Variants in HAND1 observed in about 807,000 individuals in gnomAD.
HAND1 encodes the protein heart and neural crest derivatives expressed 1, also known as heart- and neural crest derivatives-expressed protein 1.
In HAND1, 10 loss-of-function variants were observed where a neutral mutation model predicts 14.5. That is an observed-to-expected ratio of 0.69 (90% confidence interval 0.42 to 1.17). The LOEUF (loss-of-function observed/expected upper bound fraction) is 1.17, where lower values mean the gene tolerates loss of function less well. Ranked by LOEUF, HAND1 falls within the 50% of genes most tolerant of loss-of-function variation. The pLI, the probability that HAND1 is intolerant of heterozygous loss-of-function variation, is 0.00. For missense variants in HAND1, 299 were observed against 298.4 expected, an observed-to-expected ratio of 1.00 and a Z score of -0.01; for synonymous variants, 128 against 127.1, an observed-to-expected ratio of 1.01 and a Z score of -0.05.
Position 154,475,698 on chromosome 5 carries a change from G to T in HAND1, c.*108C>A. 1 of 826,210 alleles carries T rather than the reference G, an allele frequency of 1.2e-6. No individual in the cohort carries two copies. The highest frequency in any genetic ancestry group is 2.1e-6 in the Non-Finnish European group (1 of 482,370). 51.2% of individuals were successfully genotyped at this position (826,210 alleles called of 1,614,324 possible). ...GCTCAGCAGAAGCTCCGCGGGATGCGTAGCACCAGTCGCCGGAGCCCAGAG... is the reference window on the plus strand; with the variant it reads ...GCTCAGCAGAAGCTCCGCGGGATGCTTAGCACCAGTCGCCGGAGCCCAGAG... On this transcript the variant is annotated 3_prime_UTR_variant, in exon 2 of 2. Coordinates refer to ENST00000231121, the MANE Select transcript of HAND1 (RefSeq NM_004821.3).
chr5:154,477,315 G>T, intron 1 of HAND1, 151 bp downstream of exon 1: 1 of 702,302 alleles, frequency 1.4e-6, no homozygotes, highest in Non-Finnish European at 2.6e-6. Flanking sequence ...CCATGCACAG[G>T]ATCGCACGCT....
At position 154,475,146 on chromosome 5, in the gene HAND1, C is replaced by T. The variant is rs748150571; in HGVS notation, c.*660G>A. The T allele has an allele frequency of 6.6e-6, 1 of 152,178 alleles. No homozygotes were observed. Among genetic ancestry groups the T allele is most frequent in the African/African-American group, 2.4e-5 (1 of 41,140 alleles). The allele number at this position is 152,178 out of a possible 1,614,324, so 9.4% of individuals were successfully genotyped here. ...GTTTAAATACATAAAAACTTTCCAACACAGGGAAAGCTTTTATTTAGATAG... is the reference window on the plus strand; with the variant it reads ...GTTTAAATACATAAAAACTTTCCAATACAGGGAAAGCTTTTATTTAGATAG... On this transcript the variant is annotated 3_prime_UTR_variant, in exon 2 of 2. Transcript: ENST00000231121.
In HAND1 at chr5:154,475,423, G is replaced by A. The variant is rs1163427495; in HGVS notation, c.*383C>T. The A allele has an allele frequency of 4.3e-6, 1 of 234,472 alleles. No individual in the cohort carries two copies. The highest frequency in any genetic ancestry group is 8.5e-6 in the Non-Finnish European group (1 of 117,440). 14.5% of individuals were successfully genotyped at this position (234,472 alleles called of 1,614,324 possible). ...GGGCGGATCATATGGAGGGACAAGA[G>A]AGAAAGAGCCAGATAGGGAAATGGA... On this transcript the variant is annotated 3_prime_UTR_variant, in exon 2 of 2. Transcript: ENST00000231121.
At chr5:154,477,215 G>A (rs575091286) in intron 1 of HAND1, among the ~76,000 whole-genome samples, 2 of 152,292 alleles carry the variant, frequency 1.3e-5, no homozygotes, top group African/African-American at 4.8e-5. Context: ...TGCATTTTTG[G>A]AGGGTCCGAG....
chr5:154,478,104 T>C lies in HAND1; in HGVS notation c.-96A>G. ...GGCCACCTGTGGGCTCTGGAGCCAC[T>C]ACTGGGCGCCGGCTTTGGGAGAGTC... On this transcript the variant is annotated 5_prime_UTR_variant, in exon 1 of 2. Coordinates refer to ENST00000231121, the MANE Select transcript of HAND1 (RefSeq NM_004821.3). This position sits in a 1 kb window ranked among gnomAD's most constrained non-coding sequence, Gnocchi z 4.5. 7.1e-7 allele frequency: 1 copy of C among 1,410,412 alleles called. No homozygotes were observed. Among genetic ancestry groups the C allele is most frequent in the East Asian group, 2.3e-5 (1 of 43,426 alleles). 87.4% of individuals were successfully genotyped at this position (1,410,412 alleles called of 1,614,324 possible). A position where few individuals can be genotyped will look rare whatever the true frequency, so the allele number is the denominator to read the frequency against.
intron 1 of HAND1, among the ~76,000 whole-genome samples, chr5:154,476,698 T>C (rs2113302028): frequency 6.6e-6 from 1 of 152,176 alleles, no homozygotes; most frequent in East Asian, 1.9e-4. Context: ...CCCCCCAACC[T>C]AGAGAAACTG....
chr5:154,477,437 G>A, intron 1 of HAND1, 29 bp downstream of exon 1: 1 of 1,564,198 alleles, frequency 6.4e-7, no homozygotes, highest in Non-Finnish European at 8.8e-7. Flanking sequence ...CTGCACCCTT[G>A]GCTGGAGCAT....
At position 154,475,737 on chromosome 5, in the gene HAND1, G is replaced by A; in HGVS notation, c.*69C>T. 3.5e-6 allele frequency: 4 copies of A among 1,157,924 alleles called. No individual in the cohort carries two copies. Among genetic ancestry groups the A allele is most frequent in the South Asian group, 1.2e-5 (1 of 81,144 alleles). 71.7% of individuals were successfully genotyped at this position (1,157,924 alleles called of 1,614,324 possible). A position where few individuals can be genotyped will look rare whatever the true frequency, so the allele number is the denominator to read the frequency against. On this transcript the variant is annotated 3_prime_UTR_variant, in exon 2 of 2. Coordinates refer to ENST00000231121, the MANE Select transcript of HAND1 (RefSeq NM_004821.3). ...CGGAGCCCAGAGCCTGGCGTTCGCC[G>A]CTGCCTTCCTCTCCTCCCGGGGCTT...
At chr5:154,477,422 C>T (rs767133820) in intron 1 of HAND1, 44 bp downstream of exon 1, 46 of 1,486,330 alleles carry the variant, frequency 3.1e-5, no homozygotes, top group Non-Finnish European at 4.2e-5. Flanking sequence ...GGCTGCTCAC[C>T]GCTCCTGCAC....
rs1389554299 is a variant in HAND1, at chr5:154,475,889, G to A, written c.565C>T (p.Pro189Ser). Residue 189 changes from proline (P) to serine (S), a missense_variant, in exon 2 of 2, where the codon CCT (proline) becomes TCT (serine). Physicochemically the swap from Pro to Ser is moderately conservative, Grantham distance 74. Transcript: ENST00000231121. ...RELQQHEGFP[P>S]ALGPVEKRIK... ...CTCTTCTCGACTGGGCCCAGGGCAG[G>A]AGGAAAACCTTCGTGCTGCTGCTGC... The A allele has an allele frequency of 6.2e-6, 10 of 1,613,726 alleles. No individual in the cohort carries two copies. The Middle Eastern group carries it at 4.9e-4, about 80-fold the overall frequency.
rs955676236 is a variant in HAND1, at chr5:154,477,574, G to A, written c.435C>T (p.Tyr145=). Residue 145 remains tyrosine (Y), a synonymous_variant, in exon 1 of 2, where the codon TAC becomes TAT. Transcript: ENST00000231121. ...TLRLATSYIA[Y]LMDVLAKDAQ... is the part of the protein sequence containing the mutation. ...CATCCTTGGCCAGCACGTCCATCAGGTAGGCGATGTAGCTGGTGGCTAGGC... is the reference window on the plus strand; with the variant it reads ...CATCCTTGGCCAGCACGTCCATCAGATAGGCGATGTAGCTGGTGGCTAGGC... The A allele has an allele frequency of 6.2e-7, 1 of 1,614,216 alleles. No individual in the cohort carries two copies. The highest frequency in any genetic ancestry group is 8.5e-7 in the Non-Finnish European group (1 of 1,180,034).
Position 154,477,741 on chromosome 5 carries a change from C to G in HAND1, c.268G>C (p.Gly90Arg). 6.2e-7 allele frequency: 1 copy of G among 1,612,658 alleles called. No homozygotes were observed. The highest frequency in any genetic ancestry group is 1.1e-5 in the South Asian group (1 of 91,054). ...GAGCCTTTCCGCCGGCCAAGACGGC[C>G]GCCAAGCGCCTCCAGCCGCCCGGGG... ...QSPGRLEALG[G>R]RLGRRKGSGP... is the part of the protein sequence containing the mutation. Residue 90 changes from glycine to arginine, a missense_variant, in exon 1 of 2, where the codon GGC becomes CGC. Transcript: ENST00000231121.
rs1163064884 is a variant in HAND1 at position 154,477,928 on chromosome 5, G to A, written c.81C>T (p.Phe27=). The change falls in exon 1 of 2, where the codon TTC becomes TTT. Residue 27 remains phenylalanine (F), a synonymous_variant. Transcript: ENST00000231121. ...HPAHPMLHEP[F]LFGPASRCHQ... ...GACAGCGCGAGGCCGGACCGAAGAG[G>A]AAGGGTTCGTGGAGCATGGGGTGCG... is the stretch of plus-strand genomic sequence containing the variant. 6 of 1,598,942 alleles carry A rather than the reference G, an allele frequency of 3.8e-6. No individual in the cohort carries two copies. The South Asian group carries it at 6.6e-5, about 18-fold the overall frequency.
chr5:154,477,516 C>T lies in HAND1; in HGVS notation c.493G>A (p.Glu165Lys). The change falls in exon 1 of 2, where the codon GAA becomes AAA. Residue 165 changes from glutamate to lysine, a missense_variant. Coordinates refer to ENST00000231121, the MANE Select transcript of HAND1 (RefSeq NM_004821.3). Reference sequence around the variant, plus strand: ...CGGCCGCCATCCGCCTTCTTGAGTTCAGCCTTGAAGGCCTCGGGATCGCCA... The same window carrying T: ...CGGCCGCCATCCGCCTTCTTGAGTTTAGCCTTGAAGGCCTCGGGATCGCCA... ...QSGDPEAFKA[E>K]LKKADGGRES... 1 of 1,614,196 alleles carries T rather than the reference C, an allele frequency of 6.2e-7. No homozygotes were observed. Among genetic ancestry groups the T allele is most frequent in the Non-Finnish European group, 8.5e-7 (1 of 1,180,042 alleles).
chr5:154,477,665 G>C lies in HAND1; in HGVS notation c.344C>G (p.Ala115Gly). The C allele has an allele frequency of 6.2e-7, 1 of 1,614,230 alleles. No homozygotes were observed. Among genetic ancestry groups the C allele is most frequent in the Non-Finnish European group, 8.5e-7 (1 of 1,180,044 alleles). Residue 115 changes from alanine to glycine, a missense_variant, in exon 1 of 2, where the codon GCG becomes GGG. Ala to Gly is a moderately conservative substitution (Grantham distance 60). Transcript: ENST00000231121. ...GTTGGGGATGCACTCGCGCAACTCC[G>C]CGAATGCGCTGTTAATGCTCTCAGT... ...RRTESINSAF[A>G]ELRECIPNVP... is the part of the protein sequence containing the mutation.
rs1757564559 is a variant in HAND1, at chr5:154,477,543, A to G, written c.466T>C (p.Ser156Pro). 6.2e-7 allele frequency: 1 copy of G among 1,614,180 alleles called. No homozygotes were observed. Among genetic ancestry groups the G allele is most frequent in the Non-Finnish European group, 8.5e-7 (1 of 1,180,030 alleles). Residue 156 changes from serine to proline, a missense_variant, in exon 1 of 2, where the codon TCT becomes CCT. Transcript: ENST00000231121. ...GCCTTGAAGGCCTCGGGATCGCCAG[A>G]CTGTGCATCCTTGGCCAGCACGTCC... Reference protein sequence around the residue: ...LMDVLAKDAQSGDPEAFKAEL... With the variant: ...LMDVLAKDAQPGDPEAFKAEL...
chr5:154,477,945 T>TGGGGTGCGC lies in HAND1; in HGVS notation c.55_63dup (p.Ala19_Pro21dup). The TGGGGTGCGC allele has an allele frequency of 6.3e-7, 1 of 1,598,450 alleles. No homozygotes were observed. Among genetic ancestry groups the TGGGGTGCGC allele is most frequent in the Non-Finnish European group, 8.5e-7 (1 of 1,179,816 alleles). On this transcript the variant is annotated inframe_insertion, in exon 1 of 2. Transcript: ENST00000231121. ...CCGAAGAGGAAGGGTTCGTGGAGCATGGGGTGCGCAGGGTGCGGGTGGTGA... is the reference window on the plus strand; with the variant it reads ...CCGAAGAGGAAGGGTTCGTGGAGCATGGGGTGCGCGGGGTGCGCAGGGTGCGGGTGGTGA...
rs759312194 is a variant in HAND1, at chr5:154,475,348, C to A, written c.*458G>T. 1.3e-5 allele frequency: 2 copies of A among 159,566 alleles called. No homozygotes were observed. Among genetic ancestry groups the A allele is most frequent in the Non-Finnish European group, 2.8e-5 (2 of 72,254 alleles). The allele number at this position is 159,566 out of a possible 1,614,324, so 9.9% of individuals were successfully genotyped here. ...CCTGCGTCTGGTTCTCTTTCTCAGG[C>A]AGAAAAGAATTGATTCCTTATTGCA... is the stretch of plus-strand genomic sequence containing the variant. On this transcript the variant is annotated 3_prime_UTR_variant, in exon 2 of 2. Coordinates refer to ENST00000231121, the MANE Select transcript of HAND1 (RefSeq NM_004821.3).
chr5:154,478,174 C>T lies in HAND1; in HGVS notation c.-166G>A, dbSNP rs1350463689. On this transcript the variant is annotated 5_prime_UTR_variant, in exon 1 of 2. Coordinates refer to ENST00000231121, the MANE Select transcript of HAND1 (RefSeq NM_004821.3). The surrounding 1 kb of genome is among the most constrained non-coding windows in gnomAD (Gnocchi z 4.5). Reference sequence around the variant, plus strand: ...GACGCGCAGCCCACTGTCTTCTTACCGGTTTCTGCCGCGGGCGAGGTCGCC... The same window carrying T: ...GACGCGCAGCCCACTGTCTTCTTACTGGTTTCTGCCGCGGGCGAGGTCGCC... 1.5e-5 allele frequency: 11 copies of T among 733,676 alleles called. No homozygotes were observed. In the East Asian group the frequency reaches 3.0e-4, roughly 20 times the overall value. The allele number at this position is 733,676 out of a possible 1,614,324, so 45.4% of individuals were successfully genotyped here.
Sources: allele counts gnomAD v4.1 joint callset (sites outside exome capture counted in the v4.1 genomes callset), GRCh38; gene constraint gnomAD v4.1.1; non-coding constraint Gnocchi (gnomAD v3.1); transcripts MANE v1.5; gene names NCBI Gene and HGNC (gene_info 2026-07-23, HGNC 2026-07-21).